The following SAMD12 variants were observed in gnomAD, a reference collection of about 807,000 sequenced individuals.
SAMD12 encodes the protein sterile alpha motif domain containing 12.
Under a neutral mutation model 15.0 loss-of-function variants are expected in SAMD12, and 9 were observed. That is an observed-to-expected ratio of 0.60 (90% CI 0.36 to 1.05). SAMD12 has a LOEUF of 1.05. Ranked by LOEUF, SAMD12 falls within the 50% of genes least tolerant of loss-of-function variation. The probability of loss-of-function intolerance (pLI) is 0.01; values close to 1 mark genes in which losing one functional copy is unlikely to be tolerated. For missense variants in SAMD12, 230 were observed against 234.2 expected (o/e 0.98, Z 0.12); for synonymous variants, 86 against 90.1 (o/e 0.96, Z 0.25).
chr8:118,274,326 A>G (rs1813426935), intron 4 of SAMD12, among the ~76,000 whole-genome samples: 1 of 152,206 alleles, frequency 6.6e-6, no homozygotes, highest in African/African-American at 2.4e-5. Flanking sequence ...GGTTTCCTGC[A>G]TATGGCTTTG....
chr8:118,409,716 T>C (rs928583738), intron 3 of SAMD12, among the ~76,000 whole-genome samples: 3 of 130,456 alleles, frequency 2.3e-5, no homozygotes, highest in Non-Finnish European at 3.4e-5. Flanking sequence ...TGTACCTGGC[T>C]AAATGGCTTA....
chr8:118,471,506 C>A (rs1022295276), intron 2 of SAMD12, among the ~76,000 whole-genome samples: 5 of 152,146 alleles, frequency 3.3e-5, no homozygotes, highest in African/African-American at 1.2e-4. Flanking sequence ...AATGTCACCA[C>A]TGAAAACATT....
At chr8:118,354,149 T>C (rs1475304530) in intron 4 of SAMD12, among the ~76,000 whole-genome samples, 1 of 152,226 alleles carries the variant, frequency 6.6e-6, no homozygotes, top group Non-Finnish European at 1.5e-5. Flanking sequence ...CTGACTGATA[T>C]TAAAAATTTC....
chr8:118,222,769 C>T (rs962666806), intron 4 of SAMD12, among the ~76,000 whole-genome samples: 8 of 151,986 alleles, frequency 5.3e-5, no homozygotes, highest in South Asian at 4.2e-4. Flanking sequence ...CCTCCCAAAG[C>T]GCTGGGATTA....
At chr8:118,445,530 GGT>G (rs1230739011) in intron 2 of SAMD12, among the ~76,000 whole-genome samples, 1 of 152,010 alleles carries the variant, frequency 6.6e-6, no homozygotes, top group Non-Finnish European at 1.5e-5. Context: ...AAAGTTAACA[GGT>G]AAAAGAAGAA....
intron 4 of SAMD12, among the ~76,000 whole-genome samples, chr8:118,211,807 G>A (rs1442020204): frequency 1.3e-5 from 2 of 152,106 alleles, no homozygotes; most frequent in Non-Finnish European, 2.9e-5. Context: ...GACTACAACA[G>A]CACTTCATTC....
intron 4 of SAMD12, among the ~76,000 whole-genome samples, chr8:118,358,283 A>G (rs537240266): frequency 5.3e-5 from 8 of 152,086 alleles, no homozygotes; most frequent in Non-Finnish European, 1.0e-4. Flanking sequence ...AAAGGTAACT[A>G]TTACTCCCCA....
At chr8:118,376,428 C>T (rs962959942), downstream of SAMD12, among the ~76,000 whole-genome samples, 1 of 152,012 alleles carries the variant, frequency 6.6e-6, no homozygotes, top group Non-Finnish European at 1.5e-5. Context: ...ACAGATATCC[C>T]ACCCCATGTG....
chr8:118,582,114 G>C (rs2460959), intron 1 of SAMD12, among the ~76,000 whole-genome samples: 71,706 of 151,902 alleles, frequency 0.47, 20,004 homozygotes, highest in Admixed American at 0.61. Context: ...TGAGGGATGA[G>C]GCAGGCTTCC....
At chr8:118,502,143 A>T (rs958407153) in intron 2 of SAMD12, among the ~76,000 whole-genome samples, 1 of 152,066 alleles carries the variant, frequency 6.6e-6, no homozygotes, top group Non-Finnish European at 1.5e-5. Flanking sequence ...CTGTAGTAAG[A>T]TTACATTTTT....
chr8:118,311,342 T>C (rs1275738876), intron 4 of SAMD12, among the ~76,000 whole-genome samples: 1 of 152,262 alleles, frequency 6.6e-6, no homozygotes, highest in East Asian at 1.9e-4. Flanking sequence ...CCTTTTTTTA[T>C]GAATAAAGTT....
At chr8:118,612,923 A>G (rs1044418728) in intron 1 of SAMD12, among the ~76,000 whole-genome samples, 4 of 152,242 alleles carry the variant, frequency 2.6e-5, no homozygotes, top group Admixed American at 1.3e-4. Flanking sequence ...ATTTCAATGC[A>G]TTACTACTCA....
At chr8:118,469,512 A>AAACAAACACACAAACATTCTGCT (rs1823709171) in intron 2 of SAMD12, among the ~76,000 whole-genome samples, 32 of 142 alleles carry the variant, frequency 0.23, 10 homozygotes, top group African/African-American at 0.36. Context: ...TTTATATAAT[A>AAACAAACACACAAACATTCTGCT]TATAATATAT....
At chr8:118,559,989 C>A (rs1826658693) in intron 2 of SAMD12, among the ~76,000 whole-genome samples, 1 of 151,504 alleles carries the variant, frequency 6.6e-6, no homozygotes, top group Non-Finnish European at 1.5e-5. Context: ...ATTCAGGAAT[C>A]TAATGCTTTT....
At chr8:118,136,523 C>T in the SAMD12 span, among the ~76,000 whole-genome samples, 2 of 152,338 alleles carry the variant, frequency 1.3e-5, no homozygotes, top group South Asian at 4.1e-4. Context: ...TGTTCACCAT[C>T]CAATAGGCTA....
chr8:118,468,036 A>G (rs1293322122), intron 2 of SAMD12, among the ~76,000 whole-genome samples: 1 of 152,180 alleles, frequency 6.6e-6, no homozygotes, highest in Admixed American at 6.5e-5. Context: ...CAGTAATCTC[A>G]TTCGTGCAAA....
At chr8:118,465,269 G>A (rs1823560192) in intron 2 of SAMD12, among the ~76,000 whole-genome samples, 1 of 152,166 alleles carries the variant, frequency 6.6e-6, no homozygotes, top group African/African-American at 2.4e-5. Context: ...CCTTCAGATG[G>A]TGAGTGGAAC....
chr8:118,607,029 C>G (rs1400077302), intron 1 of SAMD12, among the ~76,000 whole-genome samples: 1 of 152,124 alleles, frequency 6.6e-6, no homozygotes, highest in Admixed American at 6.5e-5. Flanking sequence ...AAGGCCTAAC[C>G]TCTCCAGAAT....
rs554780131 is a variant in SAMD12 at position 118,390,718 on chromosome 8, C to T, written c.323-11018G>A. On this transcript the variant is annotated intron_variant, in intron 3 of 3. Transcript: ENST00000314727. ...TGAGAGCGCTGCCCACCGTCAAGTC[C>T]GGTCACTCACTTGGTTACATTTAGA... is the stretch of plus-strand genomic sequence containing the variant. Among the ~76,000 whole-genome samples, 4 of 152,260 alleles carry T rather than the reference C, an allele frequency of 2.6e-5. No homozygotes were observed. In the East Asian group the frequency reaches 5.8e-4, roughly 22 times the overall value.
Sources: gnomAD v4.1 joint callset for allele counts (sites outside exome capture counted in the v4.1 genomes callset) on GRCh38, gnomAD v4.1.1 for gene constraint, MANE v1.5 for transcripts, NCBI Gene and HGNC (gene_info 2026-07-23, HGNC 2026-07-21) for gene names.